Variants in DGKG observed in about 807,000 individuals in gnomAD.
The protein encoded by DGKG is diacylglycerol kinase gamma.
In DGKG, 78 loss-of-function variants were observed where a neutral mutation model predicts 105.3. The ratio of observed to expected loss-of-function variants is 0.74; its 90% CI spans 0.62 to 0.89. The LOEUF (loss-of-function observed/expected upper bound fraction) is 0.89, where lower values mean the gene tolerates loss of function less well. Among genes scored for constraint, DGKG ranks in the 40% least tolerant of loss-of-function variants. The pLI is 0.00. For synonymous variants in DGKG, 346 were observed against 367.1 expected (o/e 0.94, Z 0.66); for missense variants, 958 against 1,020.1 (o/e 0.94, Z 0.83).
chr3:186,252,602 A>C (rs1721277303), intron 18 of DGKG, among the ~76,000 whole-genome samples: 1 of 152,218 alleles, frequency 6.6e-6, no homozygotes, highest in Non-Finnish European at 1.5e-5. Context: ...GCCCATGGCT[A>C]TGGGGCTTAG....
chr3:186,211,595 G>GC (rs1009843904), intron 21 of DGKG, among the ~76,000 whole-genome samples, 200 bp downstream of exon 21: 25 of 152,308 alleles, frequency 1.6e-4, no homozygotes, highest in Non-Finnish European at 3.2e-4. Flanking sequence ...GAGTCCCAAA[G>GC]CCCCCCAGGG....
chr3:186,244,554 G>A lies in DGKG; in HGVS notation c.1762-1986C>T, dbSNP rs147256352. ...TGAGTAGCTGGGATTACAGGCATCC[G>A]CCACCATGTCGGGCTAATTTTTTGT... On this transcript the variant is annotated intron_variant, in intron 19 of 24. Coordinates refer to ENST00000265022, the MANE Select transcript of DGKG (RefSeq NM_001346.3). Among the ~76,000 whole-genome samples, 611 of 151,814 alleles carry A rather than the reference G, an allele frequency of 4.0e-3. 1 individual carries two copies. Among genetic ancestry groups the A allele is most frequent in the African/African-American group, 0.014 (572 of 41,394 alleles).
chr3:186,158,525 G>T (rs1454583527), intron 24 of DGKG: 4 of 965,060 alleles, frequency 4.1e-6, no homozygotes, highest in Non-Finnish European at 4.9e-6. Context: ...CAAAGAAAAT[G>T]ACCTTTATAA....
chr3:186,160,101 G>GATGA (rs1221781379), intron 24 of DGKG: 1 of 730,326 alleles, frequency 1.4e-6, no homozygotes, highest in African/African-American at 2.6e-5. Flanking sequence ...ACTCAAAGCA[G>GATGA]ACGAATATAC....
chr3:186,207,709 TC>T (rs2108516500), intron 21 of DGKG, among the ~76,000 whole-genome samples: 1 of 116,826 alleles, frequency 8.6e-6, no homozygotes, highest in Non-Finnish European at 2.0e-5. Context: ...TGACTCCAAG[TC>T]AGGGCCCTGG....
intron 1 of DGKG, among the ~76,000 whole-genome samples, chr3:186,345,188 CTT>C (rs1447535704): frequency 6.6e-6 from 1 of 152,096 alleles, no homozygotes; most frequent in Non-Finnish European, 1.5e-5. Context: ...ATTGCATTGT[CTT>C]ATATCAATAA....
chr3:186,152,101 G>T (rs1383206465), intron 24 of DGKG, among the ~76,000 whole-genome samples: 7 of 151,998 alleles, frequency 4.6e-5, no homozygotes, highest in Non-Finnish European at 8.8e-5. Context: ...TAAAAATAAA[G>T]GGCTCCAGGA....
At chr3:186,327,569 T>C (rs1725408050) in intron 1 of DGKG, among the ~76,000 whole-genome samples, 1 of 151,378 alleles carries the variant, frequency 6.6e-6, no homozygotes, top group Non-Finnish European at 1.5e-5. Flanking sequence ...TATGACCTGC[T>C]AATTTTTTTT....
intron 13 of DGKG, among the ~76,000 whole-genome samples, chr3:186,266,650 T>A (rs534393755): frequency 1.7e-3 from 252 of 152,278 alleles, no homozygotes; most frequent in African/African-American, 5.7e-3. Flanking sequence ...CAGGCTGGAG[T>A]GCAGTGGTGT....
At position 186,345,146 on chromosome 3, in the gene DGKG, C is replaced by T. The variant is rs549432522; in HGVS notation, c.-249+16800G>A. Reference sequence around the variant, plus strand: ...GATTCTTCACTTATAGAAAACAATCCTCATTGTATTATTTAATGATATTTG... The same window carrying T: ...GATTCTTCACTTATAGAAAACAATCTTCATTGTATTATTTAATGATATTTG... On this transcript the variant is annotated intron_variant, in intron 1 of 24. Coordinates refer to ENST00000265022, the MANE Select transcript of DGKG (RefSeq NM_001346.3). Among the ~76,000 whole-genome samples, 116 of 152,134 alleles carry T rather than the reference C, an allele frequency of 7.6e-4. 2 individuals are homozygous for T. Among genetic ancestry groups the T allele is most frequent in the Non-Finnish European group, 5.9e-5 (4 of 67,996 alleles).
At chr3:186,154,532 C>T (rs1203877378) in intron 24 of DGKG, among the ~76,000 whole-genome samples, 1 of 151,262 alleles carries the variant, frequency 6.6e-6, no homozygotes, top group Non-Finnish European at 1.5e-5. Flanking sequence ...GGAATTCCAG[C>T]TACTTGGGAG....
At chr3:186,190,061 T>C (rs1469740647) in intron 21 of DGKG, among the ~76,000 whole-genome samples, 1 of 152,248 alleles carries the variant, frequency 6.6e-6, no homozygotes, top group African/African-American at 2.4e-5. Context: ...TTAGTTACTA[T>C]GACTATCCTC....
chr3:186,251,678 A>T, intron 19 of DGKG, 81 bp downstream of exon 19: 1 of 1,534,452 alleles, frequency 6.5e-7, no homozygotes, highest in Non-Finnish European at 9.0e-7. Flanking sequence ...GACACTAGGG[A>T]CCCAGAGGGG....
Position 186,156,834 on chromosome 3 carries a change from A to G in DGKG, c.2277+4769T>C, listed in dbSNP as rs58159115. Among the ~76,000 whole-genome samples, 129 of 152,134 alleles carry G rather than the reference A, an allele frequency of 8.5e-4. 1 individual carries two copies. Among genetic ancestry groups the G allele is most frequent in the African/African-American group, 3.1e-3 (129 of 41,540 alleles). ...ATTAATATTAATGCCGGAAAACTTA[A>G]TATTTGTCCATTTTTTCTATAGGGT... is the stretch of plus-strand genomic sequence containing the variant. On this transcript the variant is annotated intron_variant, in intron 24 of 24. Transcript: ENST00000265022.
chr3:186,357,370 T>C (rs1319073929), intron 1 of DGKG, among the ~76,000 whole-genome samples: 3 of 151,930 alleles, frequency 2.0e-5, no homozygotes, highest in Non-Finnish European at 2.9e-5. Context: ...CTAATCCACA[T>C]CACAACACAC....
At chr3:186,299,793 C>CTT (rs1226240202) in intron 3 of DGKG, among the ~76,000 whole-genome samples, 2 of 82,384 alleles carry the variant, frequency 2.4e-5, no homozygotes, top group Non-Finnish European at 4.9e-5. Flanking sequence ...TTCTTTCTTT[C>CTT]TTTCTTTCTT....
At chr3:186,345,186 G>C (rs1052503142) in intron 1 of DGKG, among the ~76,000 whole-genome samples, 3 of 152,018 alleles carry the variant, frequency 2.0e-5, no homozygotes, top group African/African-American at 7.2e-5. Flanking sequence ...GAATTGCATT[G>C]TCTTATATCA....
chr3:186,164,904 G>A lies in DGKG; in HGVS notation c.2210C>T (p.Thr737Ile). 1.2e-6 allele frequency: 2 copies of A among 1,612,326 alleles called. No homozygotes were observed. Among genetic ancestry groups the A allele is most frequent in the Non-Finnish European group, 1.7e-6 (2 of 1,179,188 alleles). Residue 737 changes from threonine (T) to isoleucine (I), a missense_variant, in exon 23 of 25, where the codon ACC becomes ATC. Thr to Ile is a moderately conservative substitution (Grantham distance 89, BLOSUM62 -1). Coordinates refer to ENST00000265022, the MANE Select transcript of DGKG (RefSeq NM_001346.3). Reference sequence around the variant, plus strand: ...GGGTGACAAAGAGGCATACCTGATGGTGACAGAGGCGCACTGGGCCAGCCT... The same window carrying A: ...GGGTGACAAAGAGGCATACCTGATGATGACAGAGGCGCACTGGGCCAGCCT... ...GRRLAQCASV[T>I]IRTNKLLPMQ...
intron 7 of DGKG, among the ~76,000 whole-genome samples, chr3:186,283,672 C>A (rs1015089154): frequency 2.0e-5 from 3 of 152,192 alleles, no homozygotes; most frequent in African/African-American, 7.2e-5. Flanking sequence ...ACTGCCATAC[C>A]CTCAGTGCTT....
Sources: allele counts gnomAD v4.1 joint callset (sites outside exome capture counted in the v4.1 genomes callset), GRCh38; gene constraint gnomAD v4.1.1; transcripts MANE v1.5; gene names NCBI Gene and HGNC (gene_info 2026-07-23, HGNC 2026-07-21).